PLEKHH2: variants seen among roughly 807,000 people sequenced by gnomAD.
The protein encoded by PLEKHH2 is pleckstrin homology domain-containing family H member 2.
A neutral mutation model predicts 187.9 loss-of-function variants in PLEKHH2; 129 were observed. That is an observed-to-expected ratio of 0.69 (90% CI 0.59 to 0.79). PLEKHH2 has a LOEUF of 0.79. Ranked by LOEUF, PLEKHH2 falls within the 30% of genes least tolerant of loss-of-function variation. PLEKHH2 has a pLI of 0.00. For missense variants in PLEKHH2, 2,076 were observed against 1,751.2 expected, an observed-to-expected ratio of 1.19 and a Z score of -3.31; for synonymous variants, 686 against 605.6, an observed-to-expected ratio of 1.13 and a Z score of -1.95.
Position 43,703,967 on chromosome 2 carries a change from C to G in PLEKHH2, c.1651-14C>G. 1.3e-6 allele frequency: 1 copy of G among 775,540 alleles called. No individual in the cohort carries two copies. The highest frequency in any genetic ancestry group is 1.7e-5 in the South Asian group (1 of 59,004). The allele number at this position is 775,540 out of a possible 1,614,324, so 48.0% of individuals were successfully genotyped here. On this transcript the variant is annotated splice_polypyrimidine_tract_variant and intron_variant, in intron 8 of 29. Coordinates refer to ENST00000282406, the MANE Select transcript of PLEKHH2 (RefSeq NM_172069.4). ...GCTTTAAATACCCTGTTCAAACTCT[C>G]TCTTTTACCCTAGGAAAGCAGAATT...
At chr2:43,764,141 T>A in intron 28 of PLEKHH2, 87 bp from the exon 29 acceptor site, 1 of 804,300 alleles carries the variant, frequency 1.2e-6, no homozygotes, top group Non-Finnish European at 1.8e-6. Flanking sequence ...AATATCTGCC[T>A]TTTAATGGAG....
chr2:43,759,121 A>G, intron 27 of PLEKHH2, 92 bp downstream of exon 27: 1 of 1,428,578 alleles, frequency 7.0e-7, no homozygotes, highest in Non-Finnish European at 9.3e-7. Flanking sequence ...TGGCTTTTGT[A>G]AAAAATGAAG....
At position 43,751,474 on chromosome 2, in the gene PLEKHH2, T is replaced by C. The variant is rs530877073; in HGVS notation, c.3654-2145T>C. 2.0e-5 allele frequency among the ~76,000 whole-genome samples: 3 copies of C among 152,208 alleles called. No individual in the cohort carries two copies. In the South Asian group the frequency reaches 6.2e-4, roughly 32 times the overall value. Reference sequence around the variant, plus strand: ...CTCTGAAGAATGAATATGGATCCAGTTGAGGGCAAGCAAAAGGATCGCCCA... The same window carrying C: ...CTCTGAAGAATGAATATGGATCCAGCTGAGGGCAAGCAAAAGGATCGCCCA... On this transcript the variant is annotated intron_variant, in intron 24 of 29. Coordinates refer to ENST00000282406, the MANE Select transcript of PLEKHH2 (RefSeq NM_172069.4).
At chr2:43,683,962 C>T (rs1277042655) in intron 3 of PLEKHH2, among the ~76,000 whole-genome samples, 2 of 152,194 alleles carry the variant, frequency 1.3e-5, no homozygotes, top group Non-Finnish European at 2.9e-5. Flanking sequence ...CTCCAACACA[C>T]ATTCAAGCTT....
chr2:43,738,869 A>G (rs1028686903), intron 20 of PLEKHH2, among the ~76,000 whole-genome samples: 2 of 152,152 alleles, frequency 1.3e-5, no homozygotes, highest in East Asian at 1.9e-4. Flanking sequence ...ATTTTTTCCT[A>G]TAATAAATAC....
intron 3 of PLEKHH2, among the ~76,000 whole-genome samples, chr2:43,689,732 ATTGT>A (rs1237537159): frequency 6.6e-6 from 1 of 152,164 alleles, no homozygotes; most frequent in Non-Finnish European, 1.5e-5. Flanking sequence ...GCCTAGGAAA[ATTGT>A]TTGTCTAAAA....
At chr2:43,677,838 C>G (rs1189050669) in intron 2 of PLEKHH2, among the ~76,000 whole-genome samples, 3 of 148,978 alleles carry the variant, frequency 2.0e-5, no homozygotes, top group Non-Finnish European at 4.5e-5. Flanking sequence ...CTGACCCCCC[C>G]CCACCTCCCT....
chr2:43,738,985 G>A (rs1671432859), intron 20 of PLEKHH2, among the ~76,000 whole-genome samples: 2 of 152,066 alleles, frequency 1.3e-5, no homozygotes, highest in South Asian at 2.1e-4. Flanking sequence ...TCCGCCTCCC[G>A]GGTTCAAGCA....
chr2:43,757,978 A>G (rs1445428858), intron 26 of PLEKHH2, among the ~76,000 whole-genome samples: 4 of 152,212 alleles, frequency 2.6e-5, no homozygotes, highest in Non-Finnish European at 5.9e-5. Flanking sequence ...AAGACTTTTT[A>G]ATATAAAAGT....
intron 2 of PLEKHH2, among the ~76,000 whole-genome samples, chr2:43,666,296 C>A (rs1667202755): frequency 1.3e-5 from 2 of 151,184 alleles, no homozygotes; most frequent in African/African-American, 4.9e-5. Flanking sequence ...ACCCCTTGCG[C>A]TTCCCAGGTA....
At chr2:43,722,722 A>G (rs1479374870) in intron 16 of PLEKHH2, among the ~76,000 whole-genome samples, 2 of 152,228 alleles carry the variant, frequency 1.3e-5, no homozygotes, top group African/African-American at 4.8e-5. Context: ...GATCACAGTA[A>G]TATGGATGGT....
intron 19 of PLEKHH2, among the ~76,000 whole-genome samples, chr2:43,733,297 A>G (rs1369221037): frequency 6.8e-6 from 1 of 146,360 alleles, no homozygotes; most frequent in African/African-American, 2.5e-5. Context: ...TAGGAAATGG[A>G]GGTTGCACTG....
chr2:43,721,013 C>G (rs899894684), intron 16 of PLEKHH2, among the ~76,000 whole-genome samples: 1 of 152,158 alleles, frequency 6.6e-6, no homozygotes, highest in Admixed American at 6.5e-5. Flanking sequence ...ATTCCCTCCC[C>G]ACAACCATCA....
chr2:43,707,494 T>G lies in PLEKHH2; in HGVS notation c.1915T>G (p.Ser639Ala). 6.2e-7 allele frequency: 1 copy of G among 1,613,916 alleles called. No homozygotes were observed. ...SSRSSSRTSE[S>A]DSRSRSGPGS... is the part of the protein sequence containing the mutation. ...CAGATCCAGCTCCCGGACGTCAGAG[T>G]CAGACTCACGCAGTAGGAGTGGGCC... Residue 639 changes from serine (S) to alanine (A), a missense_variant, in exon 11 of 30, where the codon TCA (serine) becomes GCA (alanine). Ser to Ala is a moderately conservative substitution (Grantham distance 99). Transcript: ENST00000282406.
chr2:43,744,022 A>C, intron 23 of PLEKHH2, 33 bp downstream of exon 23: 2 of 1,599,900 alleles, frequency 1.3e-6, no homozygotes, highest in Middle Eastern at 1.7e-4. Flanking sequence ...AGCCAAGCCC[A>C]ACGAACAGCA....
At chr2:43,723,133 ACACAATTAG>A (rs1670565038) in intron 16 of PLEKHH2, among the ~76,000 whole-genome samples, 1 of 152,220 alleles carries the variant, frequency 6.6e-6, no homozygotes, top group South Asian at 2.1e-4. Context: ...TGCCTAAAGT[ACACAATTAG>A]GTTAGTATTG....
At chr2:43,742,009 T>C (rs1036526060) in intron 21 of PLEKHH2, among the ~76,000 whole-genome samples, 3 of 150,572 alleles carry the variant, frequency 2.0e-5, no homozygotes, top group Admixed American at 6.6e-5. Flanking sequence ...GTTTGAAGAT[T>C]TTTTTTTTTG....
chr2:43,683,585 T>C (rs1668348934), intron 3 of PLEKHH2, among the ~76,000 whole-genome samples: 4 of 152,188 alleles, frequency 2.6e-5, no homozygotes, highest in Non-Finnish European at 1.5e-5. Flanking sequence ...TAATTTGTTC[T>C]CTAAAGCTTT....
At chr2:43,707,048 T>C (rs1224879320) in intron 10 of PLEKHH2, among the ~76,000 whole-genome samples, 1 of 151,948 alleles carries the variant, frequency 6.6e-6, no homozygotes, top group Non-Finnish European at 1.5e-5. Flanking sequence ...ATATAAAAAT[T>C]AGCCGGGCGT....
Sources: allele counts gnomAD v4.1 joint callset (sites outside exome capture counted in the v4.1 genomes callset), GRCh38; gene constraint gnomAD v4.1.1; transcripts MANE v1.5; gene names NCBI Gene and HGNC (gene_info 2026-07-23, HGNC 2026-07-21).